WDR17: variants seen among roughly 807,000 people sequenced by gnomAD.
WDR17 encodes WD repeat domain 17.
Under a neutral mutation model 161.7 loss-of-function variants are expected in WDR17, and 143 were observed. That is an observed-to-expected ratio of 0.88 (90% CI 0.77 to 1.02). WDR17 has a LOEUF of 1.02. Among genes scored for constraint, WDR17 ranks in the 50% least tolerant of loss-of-function variants. The probability of loss-of-function intolerance (pLI) is 0.00; values close to 1 mark genes in which losing one functional copy is unlikely to be tolerated. For missense variants in WDR17, 1,469 were observed against 1,520.9 expected (o/e 0.97, Z 0.57); for synonymous variants, 517 against 515.6 (o/e 1.00, Z -0.04).
intron 26 of WDR17, among the ~76,000 whole-genome samples, chr4:176,175,660 C>T (rs896708476): frequency 2.0e-5 from 3 of 151,548 alleles, no homozygotes; most frequent in Non-Finnish European, 4.4e-5. Flanking sequence ...CAAGTTCACA[C>T]CATTCTCCTG....
At chr4:176,177,871 A>G (rs1287646631) in intron 28 of WDR17, among the ~76,000 whole-genome samples, 1 of 151,722 alleles carries the variant, frequency 6.6e-6, no homozygotes, top group Non-Finnish European at 1.5e-5. Flanking sequence ...CTCTTACCAC[A>G]GAAGCAATTC....
At chr4:176,143,387 A>G (rs1479463678) in intron 11 of WDR17, among the ~76,000 whole-genome samples, 2 of 152,010 alleles carry the variant, frequency 1.3e-5, no homozygotes, top group Non-Finnish European at 2.9e-5. Context: ...CATCTTGGCC[A>G]GGTATGGTGG....
intron 1 of WDR17, chr4:176,111,244 T>C (rs1032273125): frequency 6.1e-6 from 1 of 163,350 alleles, no homozygotes; most frequent in Non-Finnish European, 1.3e-5. Context: ...GATGGCCTTC[T>C]TCAGTGATAC....
At position 176,144,989 on chromosome 4, in the gene WDR17, C is replaced by A. The variant is rs140915418; in HGVS notation, c.1530-1006C>A. 1.9e-3 allele frequency among the ~76,000 whole-genome samples: 286 copies of A among 152,206 alleles called. 1 individual carries two copies. The highest frequency in any genetic ancestry group is 5.8e-3 in the African/African-American group (240 of 41,532). ...TCAGTGGATCTTGAGAAGATGTAAT[C>A]TGCACATTTGCAGATTGGCATGCCA... is the stretch of plus-strand genomic sequence containing the variant. On this transcript the variant is annotated intron_variant, in intron 11 of 28. Transcript: ENST00000508596.
chr4:176,135,123 A>G lies in WDR17; in HGVS notation c.1114A>G (p.Ile372Val), dbSNP rs147724769. 29 of 1,611,974 alleles carry G rather than the reference A, an allele frequency of 1.8e-5. No homozygotes were observed. Among genetic ancestry groups the G allele is most frequent in the Middle Eastern group, 1.6e-4 (1 of 6,078 alleles). ...FLRDLGHVET[I>V]FDCKFKPDDP... is the part of the protein sequence containing the mutation. Reference sequence around the variant, plus strand: ...ATATTCCTAGGGACATGTGGAAACTATCTTTGACTGCAAATTCAAACCTGA... The same window carrying G: ...ATATTCCTAGGGACATGTGGAAACTGTCTTTGACTGCAAATTCAAACCTGA... The change falls in exon 8 of 29, where the codon ATC becomes GTC. Residue 372 changes from isoleucine (I) to valine (V), a missense_variant. Transcript: ENST00000508596.
intron 1 of WDR17, among the ~76,000 whole-genome samples, chr4:176,101,900 T>C (rs1418185340): frequency 6.6e-6 from 1 of 152,066 alleles, no homozygotes; most frequent in Non-Finnish European, 1.5e-5. Context: ...TAGAACTACA[T>C]GTAAAATGCA....
intron 17 of WDR17, among the ~76,000 whole-genome samples, chr4:176,155,543 G>GTGTTTTTTTTTTT (rs1747935579): frequency 9.7e-6 from 1 of 103,572 alleles, no homozygotes; most frequent in Non-Finnish European, 2.2e-5. Flanking sequence ...TTATTTGTTT[G>GTGTTTTTTTTTTT]TGTTTTTTTT....
intron 17 of WDR17, among the ~76,000 whole-genome samples, chr4:176,154,394 T>A (rs1286816484): frequency 6.6e-6 from 1 of 152,032 alleles, no homozygotes; most frequent in Non-Finnish European, 1.5e-5. Context: ...GGCAGGAGAA[T>A]CACTTGAATC....
At chr4:176,162,210 G>GT in intron 21 of WDR17, 36 bp downstream of exon 21, 5 of 1,582,200 alleles carry the variant, frequency 3.2e-6, no homozygotes, top group Non-Finnish European at 4.3e-6. Flanking sequence ...TGAATGAAAA[G>GT]TTTTTTAGAT....
rs1171150352 is a variant in WDR17, at chr4:176,102,459, T to C, written c.-6-9116T>C. 2.0e-5 allele frequency among the ~76,000 whole-genome samples: 3 copies of C among 152,228 alleles called. No homozygotes were observed. The East Asian group carries it at 5.8e-4, about 29-fold the overall frequency. ...ATGGGTTCTTACAAAGCTAAACATA[T>C]TCTTACTATATTATCCAGCAGTTGT... On this transcript the variant is annotated intron_variant, in intron 1 of 28. Coordinates refer to ENST00000508596, the MANE Select transcript of WDR17 (RefSeq NM_181265.4).
chr4:176,080,804 C>T (rs1734648941), intron 1 of WDR17, among the ~76,000 whole-genome samples: 1 of 151,976 alleles, frequency 6.6e-6, no homozygotes, highest in Non-Finnish European at 1.5e-5. Flanking sequence ...GCTTGGTTGT[C>T]TTTTCAGACT....
chr4:176,071,672 A>G (rs1333437623), intron 1 of WDR17, among the ~76,000 whole-genome samples: 4 of 152,190 alleles, frequency 2.6e-5, no homozygotes, highest in Non-Finnish European at 5.9e-5. Context: ...ATGAAAGTAT[A>G]TGAATGAGCT....
chr4:176,091,600 C>T (rs567010855), intron 1 of WDR17, among the ~76,000 whole-genome samples: 1 of 151,866 alleles, frequency 6.6e-6, no homozygotes, highest in Non-Finnish European at 1.5e-5. Context: ...AAAGCAAGAG[C>T]AAACCAAACC....
chr4:176,131,225 G>A (rs1442942624), intron 6 of WDR17, among the ~76,000 whole-genome samples: 2 of 152,114 alleles, frequency 1.3e-5, no homozygotes, highest in Non-Finnish European at 2.9e-5. Context: ...TATTATGTCA[G>A]TATTTTGAAG....
intron 6 of WDR17, among the ~76,000 whole-genome samples, chr4:176,130,254 G>T (rs1243867698): frequency 1.3e-5 from 2 of 152,072 alleles, no homozygotes; most frequent in African/African-American, 4.8e-5. Flanking sequence ...TAAAGTGTTA[G>T]AAAAACCAAT....
At position 176,099,693 on chromosome 4, in the gene WDR17, A is replaced by C. The variant is rs917062551; in HGVS notation, c.-6-11882A>C. ...GGCTTTTAGGGTATCCATCACCTGA[A>C]TAATGTACATTGTACCATTCAGTAA... On this transcript the variant is annotated intron_variant, in intron 1 of 28. Transcript: ENST00000508596. Among the ~76,000 whole-genome samples the C allele has an allele frequency of 3.3e-5, 5 of 152,128 alleles. No individual in the cohort carries two copies. The South Asian group carries it at 1.0e-3, about 31-fold the overall frequency.
intron 22 of WDR17, among the ~76,000 whole-genome samples, chr4:176,163,785 G>A (rs1029285321): frequency 1.3e-5 from 2 of 152,126 alleles, no homozygotes; most frequent in African/African-American, 4.8e-5. Flanking sequence ...AATTACCTGG[G>A]GTAGCCCGGA....
chr4:176,172,345 A>G lies in WDR17; in HGVS notation c.3103-30A>G, dbSNP rs368289766. ...TGCTTTTATCCGTTTGAATTTTAGT[A>G]ACATTGTTTTCAAATCAATTATTTT... On this transcript the variant is annotated intron_variant, in intron 23 of 28. Transcript: ENST00000508596. 2.2e-5 allele frequency: 35 copies of G among 1,590,172 alleles called. No individual in the cohort carries two copies. The African/African-American group carries it at 4.7e-4, about 22-fold the overall frequency.
chr4:176,140,952 T>G (rs1745163169), intron 10 of WDR17, among the ~76,000 whole-genome samples: 1 of 152,196 alleles, frequency 6.6e-6, no homozygotes, highest in East Asian at 1.9e-4. Flanking sequence ...AGATATCACT[T>G]TCAGTGACTA....
Sources: allele counts gnomAD v4.1 joint callset (sites outside exome capture counted in the v4.1 genomes callset), GRCh38; gene constraint gnomAD v4.1.1; transcripts MANE v1.5; gene names NCBI Gene and HGNC (gene_info 2026-07-23, HGNC 2026-07-21).